FAAH2: variants seen among roughly 807,000 people sequenced by gnomAD.
The protein encoded by FAAH2 is fatty-acid amide hydrolase 2.
FAAH2 carries 60 observed loss-of-function variants against 36.9 expected under a neutral mutation model. The ratio of observed to expected loss-of-function variants is 1.63; its 90% CI spans 1.32 to 2.02. FAAH2 has a LOEUF of 2.02. Ranked by LOEUF, FAAH2 falls within the 30% of genes most tolerant of loss-of-function variation. FAAH2 has a pLI of 0.00. For synonymous variants in FAAH2, 214 were observed against 143.8 expected (o/e 1.49, Z -3.49); for missense variants, 689 against 397.5 (o/e 1.73, Z -6.23).
intron 2 of FAAH2, among the ~76,000 whole-genome samples, chrX:57,296,142 G>T (rs1022559179): frequency 6.2e-5 from 7 of 112,307 alleles, no homozygotes; most frequent in Non-Finnish European, 1.3e-4. Context: ...CTGAGAACAG[G>T]CAGACTGCCT....
chrX:57,430,419 T>C (rs2056267391), intron 7 of FAAH2, among the ~76,000 whole-genome samples: 1 of 111,599 alleles, frequency 9.0e-6, no homozygotes, highest in Non-Finnish European at 1.9e-5. Context: ...GTGGGATGCT[T>C]CTTCCAGGGG....
the FAAH2 span, among the ~76,000 whole-genome samples, chrX:57,260,353 G>A: frequency 8.9e-6 from 1 of 111,752 alleles, no homozygotes; most frequent in African/African-American, 3.2e-5. Flanking sequence ...TCAACAAAAT[G>A]TGCCAAAATA....
At chrX:57,427,181 G>C (rs973163060) in intron 7 of FAAH2, among the ~76,000 whole-genome samples, 1 of 110,219 alleles carries the variant, frequency 9.1e-6, no homozygotes. Context: ...TCCTAAGATT[G>C]AAACGGAAAA....
intron 7 of FAAH2, among the ~76,000 whole-genome samples, chrX:57,399,053 T>C (rs974776280): frequency 9.9e-5 from 11 of 111,409 alleles, no homozygotes; most frequent in Non-Finnish European, 9.4e-5. Context: ...AGCAGGCCGG[T>C]CCAGGAATCC....
chrX:57,396,810 T>C (rs772703696), intron 7 of FAAH2, among the ~76,000 whole-genome samples: 1 of 112,249 alleles, frequency 8.9e-6, no homozygotes, highest in South Asian at 3.7e-4. Flanking sequence ...TATTCTGTCA[T>C]TTACATAACA....
intron 7 of FAAH2, among the ~76,000 whole-genome samples, chrX:57,426,031 A>G (rs924869900): frequency 1.8e-5 from 2 of 112,278 alleles, no homozygotes; most frequent in Non-Finnish European, 3.8e-5. Flanking sequence ...CACCAAAAGT[A>G]AGCAAGAGTA....
At chrX:57,420,343 T>G (rs1418471505) in intron 7 of FAAH2, among the ~76,000 whole-genome samples, 2 of 112,100 alleles carry the variant, frequency 1.8e-5, no homozygotes, top group African/African-American at 3.2e-5. Flanking sequence ...TGATTCTTCC[T>G]ACCCATGAGT....
At chrX:57,270,742 T>C in the FAAH2 span, among the ~76,000 whole-genome samples, 3 of 110,831 alleles carry the variant, frequency 2.7e-5, no homozygotes, top group South Asian at 1.2e-3. Flanking sequence ...CGGGGAATTT[T>C]CTCCCCTACA....
At chrX:57,219,001 C>T in the FAAH2 span, among the ~76,000 whole-genome samples, 1 of 111,857 alleles carries the variant, frequency 8.9e-6, no homozygotes, top group Non-Finnish European at 1.9e-5. Context: ...AGTCCCAAGG[C>T]GCAAGGCCAC....
At chrX:57,161,573 G>C in the FAAH2 span, among the ~76,000 whole-genome samples, 1 of 111,704 alleles carries the variant, frequency 9.0e-6, no homozygotes, top group African/African-American at 3.3e-5. Context: ...ATTTAGGAGA[G>C]CTAGCTCTTC....
At chrX:57,273,435 C>T in the FAAH2 span, among the ~76,000 whole-genome samples, 1 of 111,618 alleles carries the variant, frequency 9.0e-6, no homozygotes, top group Non-Finnish European at 1.9e-5. Flanking sequence ...CAGAATTCTC[C>T]ACCCCAAATC....
intron 5 of FAAH2, among the ~76,000 whole-genome samples, chrX:57,360,866 C>T (rs1386207534): frequency 9.1e-6 from 1 of 110,419 alleles, no homozygotes; most frequent in African/African-American, 3.3e-5. Flanking sequence ...GTGTTGTTCC[C>T]CTCCCTGTGT....
the FAAH2 span, among the ~76,000 whole-genome samples, chrX:57,180,787 G>A: frequency 5.4e-5 from 6 of 111,270 alleles, no homozygotes; most frequent in Non-Finnish European, 1.1e-4. Flanking sequence ...ATTCTATGAG[G>A]CCAGCATTAT....
In FAAH2 at chrX:57,353,501, GA is replaced by G. The variant is rs755138907; in HGVS notation, c.742+12119del. Among the ~76,000 whole-genome samples, 402 of 51,912 alleles carry G rather than the reference GA, an allele frequency of 7.7e-3. 3 individuals carry two copies. The highest frequency in any genetic ancestry group is 0.026 in the African/African-American group (383 of 14,886). The allele number at this position is 51,912 out of a possible 115,157, so 45.1% of individuals were successfully genotyped here. ...CCCCAAATTATTAAAAAAAAAAAAA[GA>G]AAAAAAAGAAAACCAAGGGGAAATT... On this transcript the variant is annotated intron_variant, in intron 5 of 10. Transcript: ENST00000374900.
At chrX:57,421,838 A>G (rs143086569) in intron 7 of FAAH2, among the ~76,000 whole-genome samples, 76 of 111,960 alleles carry the variant, frequency 6.8e-4, no homozygotes, top group African/African-American at 2.4e-3. Flanking sequence ...TGATGGGGAA[A>G]TAAAGCAATG....
chrX:57,254,464 A>C, the FAAH2 span, among the ~76,000 whole-genome samples: 1 of 112,251 alleles, frequency 8.9e-6, no homozygotes, highest in Admixed American at 9.5e-5. Flanking sequence ...AAATCAGCAG[A>C]ATATACATTC....
chrX:57,445,799 T>A (rs2056661499), intron 8 of FAAH2, among the ~76,000 whole-genome samples: 1 of 112,546 alleles, frequency 8.9e-6, no homozygotes, highest in African/African-American at 3.2e-5. Context: ...GGGTGATGCA[T>A]GCACTCTTTT....
chrX:57,392,860 A>C (rs1452874315), intron 7 of FAAH2: 84 of 740,065 alleles, frequency 1.1e-4, no homozygotes, highest in Non-Finnish European at 1.3e-5. Context: ...TTGGCCATGC[A>C]GATGGGGAGA....
the FAAH2 span, among the ~76,000 whole-genome samples, chrX:57,239,958 G>A: frequency 1.8e-5 from 2 of 111,474 alleles, no homozygotes; most frequent in Non-Finnish European, 3.8e-5. Flanking sequence ...ATATTCCTTG[G>A]ATTTTGTTTT....
Sources: allele counts gnomAD v4.1 joint callset (sites outside exome capture counted in the v4.1 genomes callset), GRCh38; gene constraint gnomAD v4.1.1; transcripts MANE v1.5; gene names NCBI Gene and HGNC (gene_info 2026-07-23, HGNC 2026-07-21).